Variants in FANCA observed in about 807,000 individuals in gnomAD.
The protein encoded by FANCA is FA complementation group A, also known as Fanconi anemia group A protein.
Under a neutral mutation model 194.3 loss-of-function variants are expected in FANCA, and 236 were observed. The ratio of observed to expected loss-of-function variants is 1.21; its 90% confidence interval spans 1.09 to 1.35. The LOEUF is 1.35. FANCA is among the 40% of genes most tolerant of loss of function. FANCA has a pLI of 0.00. For missense variants in FANCA, 2,628 were observed against 1,813.9 expected (o/e 1.45, Z -8.15); for synonymous variants, 1,014 against 715.8 (o/e 1.42, Z -6.65).
chr16:89,800,246 A>G (rs984864335), intron 8 of FANCA, among the ~76,000 whole-genome samples: 2 of 152,202 alleles, frequency 1.3e-5, no homozygotes, highest in African/African-American at 4.8e-5. Context: ...TGGGCTGTGG[A>G]ACTAAGGACT....
chr16:89,759,656 G>T (rs1007738925), intron 29 of FANCA, among the ~76,000 whole-genome samples: 1 of 152,170 alleles, frequency 6.6e-6, no homozygotes, highest in African/African-American at 2.4e-5. Context: ...AGCTACTCAG[G>T]AGGCTGAGGC....
intron 38 of FANCA, 168 bp downstream of exon 38, chr16:89,740,636 C>CAAA (rs371709074): frequency 2.3e-3 from 1,065 of 458,364 alleles, no homozygotes; most frequent in East Asian, 4.7e-3. Context: ...ACCCCCATCT[C>CAAA]AAAAAAAAAA....
chr16:89,782,655 C>T (rs1442071524), intron 17 of FANCA, among the ~76,000 whole-genome samples: 2 of 152,182 alleles, frequency 1.3e-5, no homozygotes, highest in Admixed American at 1.3e-4. Flanking sequence ...CACACAGTAA[C>T]CCTTTCCCTG....
rs1028388366 is a variant in FANCA, at chr16:89,739,676, G to A, written c.3935-123C>T. 5.4e-5 allele frequency: 81 copies of A among 1,512,222 alleles called. 1 individual carries two copies. The highest frequency in any genetic ancestry group is 3.5e-4 in the Middle Eastern group (2 of 5,748). 93.7% of individuals were successfully genotyped at this position (1,512,222 alleles called of 1,614,324 possible). A position where few individuals can be genotyped will look rare whatever the true frequency, so the allele number is the denominator to read the frequency against. On this transcript the variant is annotated intron_variant, in intron 39 of 42. Coordinates refer to ENST00000389301, the MANE Select transcript of FANCA (RefSeq NM_000135.4). The stretch of plus-strand genomic sequence containing the variant: ...CCTGGCTGTGGGGATAGTGTGGGGC[G>A]AACAGCCTGAGCTGAGGATACCCAG...
At chr16:89,738,850 C>T in intron 42 of FANCA, 32 bp downstream of exon 42, 1 of 1,614,204 alleles carries the variant, frequency 6.2e-7, no homozygotes, top group Non-Finnish European at 8.5e-7. Flanking sequence ...TCATGTCCCC[C>T]ACATGGCCCA....
chr16:89,782,001 C>T (rs1454212093), intron 17 of FANCA, among the ~76,000 whole-genome samples: 1 of 149,808 alleles, frequency 6.7e-6, no homozygotes, highest in Non-Finnish European at 1.5e-5. Flanking sequence ...AGCGAGACTC[C>T]ATCTCAAAAA....
chr16:89,805,523 G>T, intron 6 of FANCA, 131 bp from the exon 7 acceptor site: 1 of 679,346 alleles, frequency 1.5e-6, no homozygotes, highest in Admixed American at 2.1e-5. Flanking sequence ...GTGCAGTGGC[G>T]CAATCAGTCA....
Position 89,739,561 on chromosome 16 carries a change from A to C in FANCA, c.3935-8T>G, listed in dbSNP as rs929980027. On this transcript the variant is annotated splice_region_variant and splice_polypyrimidine_tract_variant and intron_variant, in intron 39 of 42. Coordinates refer to ENST00000389301, the MANE Select transcript of FANCA (RefSeq NM_000135.4). The stretch of plus-strand genomic sequence containing the variant: ...GCCGCCCCAGCCTGAGGTCTGCAAC[A>C]CCAAGAAGTGGCTCAGGCAACTCTG... The C allele has an allele frequency of 1.9e-6, 3 of 1,551,074 alleles. No homozygotes were observed. Among genetic ancestry groups the C allele is most frequent in the Non-Finnish European group, 2.6e-6 (3 of 1,146,914 alleles).
chr16:89,759,759 T>TCAAA (rs746895786), intron 29 of FANCA, among the ~76,000 whole-genome samples: 11 of 152,238 alleles, frequency 7.2e-5, no homozygotes, highest in African/African-American at 2.6e-4. Flanking sequence ...AGACCCTGTC[T>TCAAA]CAAACAAACA....
At chr16:89,767,088 C>T (rs771191349) in intron 27 of FANCA, 53 bp downstream of exon 27, 22 of 1,429,536 alleles carry the variant, frequency 1.5e-5, no homozygotes, top group Admixed American at 6.7e-5. Flanking sequence ...CCGAAAGCTG[C>T]GTAAACCTGA....
intron 37 of FANCA, among the ~76,000 whole-genome samples, chr16:89,742,536 G>A (rs2062159371): frequency 6.6e-6 from 1 of 151,894 alleles, no homozygotes; most frequent in Non-Finnish European, 1.5e-5. Flanking sequence ...CCAGCTGGGC[G>A]TGGTGGCTCA....
intron 29 of FANCA, among the ~76,000 whole-genome samples, chr16:89,759,318 TAAA>T (rs71137673): frequency 0.46 from 34,468 of 74,528 alleles, 10,339 homozygotes; most frequent in East Asian, 0.72. Context: ...AGACTCCGTC[TAAA>T]AAAAAAAAAA....
rs756108061 is a variant in FANCA at position 89,744,940 on chromosome 16, T to C, written c.3626+19A>G. 6.2e-7 allele frequency: 1 copy of C among 1,608,926 alleles called. No individual in the cohort carries two copies. The highest frequency in any genetic ancestry group is 1.1e-5 in the South Asian group (1 of 90,846). ...AGTGCATCTGGGCGGGCACACCCCA[T>C]CTCACCACCCACACGTACTCGCTGG... On this transcript the variant is annotated intron_variant, in intron 36 of 42. Coordinates refer to ENST00000389301, the MANE Select transcript of FANCA (RefSeq NM_000135.4).
intron 5 of FANCA, chr16:89,810,460 G>A (rs1381835112): frequency 8.3e-6 from 4 of 482,700 alleles, no homozygotes; most frequent in African/African-American, 3.9e-5. Flanking sequence ...AAGGCTAAAC[G>A]TGTTTTTCAA....
At chr16:89,742,261 G>A (rs1362222168) in intron 37 of FANCA, among the ~76,000 whole-genome samples, 1 of 151,732 alleles carries the variant, frequency 6.6e-6, no homozygotes, top group South Asian at 2.1e-4. Flanking sequence ...ACAGGCATGA[G>A]CCACCATGCC....
Position 89,792,052 on chromosome 16 carries a change from C to T in FANCA, c.1100G>A (p.Ser367Asn), listed in dbSNP as rs764286584. ...CAAATGGCCAACCAACTCCTCTGCA[C>T]TCAGCATCACAAAGAGCTGAAATAA... is the stretch of plus-strand genomic sequence containing the variant. ...SLYRRLFVML[S>N]AEELVGHLQE... Residue 367 changes from serine (S) to asparagine (N), a missense_variant, in exon 13 of 43, where the codon AGT becomes AAT. Coordinates refer to ENST00000389301, the MANE Select transcript of FANCA (RefSeq NM_000135.4). The T allele has an allele frequency of 1.5e-5, 24 of 1,614,112 alleles. No homozygotes were observed. Among genetic ancestry groups the T allele is most frequent in the Non-Finnish European group, 1.9e-5 (23 of 1,180,046 alleles).
intron 2 of FANCA, among the ~76,000 whole-genome samples, chr16:89,815,025 C>T (rs943085682): frequency 1.3e-5 from 2 of 152,094 alleles, no homozygotes; most frequent in African/African-American, 4.8e-5. Context: ...AGTAATGCTT[C>T]CCTACTGGGC....
At chr16:89,756,043 G>C (rs2143202169) in intron 30 of FANCA, among the ~76,000 whole-genome samples, 1 of 152,296 alleles carries the variant, frequency 6.6e-6, no homozygotes, top group East Asian at 1.9e-4. Context: ...AACAGTATTT[G>C]TGTATCTAAA....
intron 22 of FANCA, among the ~76,000 whole-genome samples, chr16:89,772,964 C>A (rs1327462363): frequency 6.6e-6 from 1 of 152,186 alleles, no homozygotes; most frequent in African/African-American, 2.4e-5. Flanking sequence ...CTCCGGCAGG[C>A]AGGATGAGCG....
Sources: allele counts gnomAD v4.1 joint callset (sites outside exome capture counted in the v4.1 genomes callset), GRCh38; gene constraint gnomAD v4.1.1; transcripts MANE v1.5; gene names NCBI Gene and HGNC (gene_info 2026-07-23, HGNC 2026-07-21).